TUSC3: variants seen among roughly 807,000 people sequenced by gnomAD.
TUSC3 encodes tumor suppressor candidate 3.
In TUSC3, 45 loss-of-function variants were observed where a neutral mutation model predicts 44.8. The observed-to-expected ratio is 1.00, with a 90% CI of 0.79 to 1.29. The LOEUF (loss-of-function observed/expected upper bound fraction) is 1.29. Ranked by LOEUF, TUSC3 falls within the 50% of genes most tolerant of loss-of-function variation. The pLI, the probability that TUSC3 is intolerant of heterozygous loss-of-function variation, is 0.00. For synonymous variants in TUSC3, 212 were observed against 152.9 expected (o/e 1.39, Z -2.85); for missense variants, 519 against 437.9 (o/e 1.19, Z -1.65).
At chr8:15,705,749 A>G (rs779089262) in intron 6 of TUSC3, among the ~76,000 whole-genome samples, 6 of 152,026 alleles carry the variant, frequency 3.9e-5, no homozygotes, top group Admixed American at 6.6e-5. Context: ...CTTCAGCCCA[A>G]TGATGATGGC....
At chr8:15,642,691 T>C (rs1411665187) in intron 2 of TUSC3, among the ~76,000 whole-genome samples, 5 of 152,168 alleles carry the variant, frequency 3.3e-5, no homozygotes, top group Admixed American at 1.3e-4. Flanking sequence ...TTTTGCAATA[T>C]ATATATATGA....
intron 1 of TUSC3, among the ~76,000 whole-genome samples, chr8:15,607,954 C>T (rs1804604721): frequency 6.6e-6 from 1 of 152,056 alleles, no homozygotes; most frequent in South Asian, 2.1e-4. Flanking sequence ...ATATAATTTA[C>T]CTGAACTGGA....
chr8:15,557,009 T>G, intron 1 of TUSC3, among the ~76,000 whole-genome samples: 1 of 144,030 alleles, frequency 6.9e-6, no homozygotes, highest in South Asian at 2.3e-4. Context: ...TTTAGTTTAA[T>G]TAGATCCCAT....
At chr8:15,849,249 T>C in the TUSC3 span, among the ~76,000 whole-genome samples, 47 of 152,280 alleles carry the variant, frequency 3.1e-4, no homozygotes, top group African/African-American at 1.1e-3. Context: ...AGGTGTAACG[T>C]ATTCCACCTC....
intron 6 of TUSC3, among the ~76,000 whole-genome samples, chr8:15,721,679 A>T (rs1268386888): frequency 6.6e-6 from 1 of 152,104 alleles, no homozygotes; most frequent in African/African-American, 2.4e-5. Flanking sequence ...TATACATTTC[A>T]GTTTTTCTTT....
the TUSC3 span, among the ~76,000 whole-genome samples, chr8:15,783,581 G>T: frequency 8.5e-5 from 13 of 152,088 alleles, no homozygotes; most frequent in Non-Finnish European, 1.8e-4. Context: ...GTTATCTATG[G>T]TCAATTGATT....
chr8:15,751,346 G>A (rs1357438570), intron 9 of TUSC3, among the ~76,000 whole-genome samples: 1 of 152,140 alleles, frequency 6.6e-6, no homozygotes, highest in East Asian at 1.9e-4. Flanking sequence ...TTGCTTCAGA[G>A]GTAACTCAAA....
chr8:15,798,751 A>C, the TUSC3 span, among the ~76,000 whole-genome samples: 2 of 152,128 alleles, frequency 1.3e-5, no homozygotes, highest in African/African-American at 4.8e-5. Context: ...GGGCCAACTA[A>C]GGCTTGACTG....
intron 6 of TUSC3, among the ~76,000 whole-genome samples, chr8:15,678,366 C>A (rs1469394477): frequency 6.6e-6 from 1 of 151,806 alleles, no homozygotes; most frequent in East Asian, 1.9e-4. Flanking sequence ...TACTCATAGA[C>A]TGTATTTACT....
chr8:15,844,355 A>G, the TUSC3 span, among the ~76,000 whole-genome samples: 297 of 152,250 alleles, frequency 2.0e-3, 3 homozygotes, highest in African/African-American at 6.7e-3. Flanking sequence ...TCAAAGTATC[A>G]AAGGACAGAG....
intron 2 of TUSC3, among the ~76,000 whole-genome samples, chr8:15,484,787 T>A (rs1404645512): frequency 6.6e-6 from 1 of 152,212 alleles, no homozygotes; most frequent in South Asian, 2.1e-4. Flanking sequence ...GACAGTTCCA[T>A]CACTTTTAAA....
chr8:15,664,249 G>A (rs1427940382), intron 5 of TUSC3, among the ~76,000 whole-genome samples: 5 of 151,632 alleles, frequency 3.3e-5, no homozygotes, highest in Non-Finnish European at 7.4e-5. Context: ...TGCAAGTTCT[G>A]TATTGTTTAC....
In TUSC3 at chr8:15,640,230, C is replaced by A. The variant is rs948744178; in HGVS notation, c.309-10467C>A. ...TCTTGGGCACTGAATCTGTAATGAA[C>A]CTCCCTGGTAGAAACACTTTACACG... On this transcript the variant is annotated intron_variant, in intron 2 of 10. Transcript: ENST00000503731. Among the ~76,000 whole-genome samples the A allele has an allele frequency of 3.9e-5, 6 of 152,306 alleles. No individual in the cohort carries two copies. The South Asian group carries it at 1.0e-3, about 26-fold the overall frequency.
At chr8:15,722,671 A>C (rs538326686) in intron 6 of TUSC3, among the ~76,000 whole-genome samples, 1 of 152,044 alleles carries the variant, frequency 6.6e-6, no homozygotes, top group Non-Finnish European at 1.5e-5. Flanking sequence ...CTTGGGTGCA[A>C]CTTGCCACAG....
intron 3 of TUSC3, among the ~76,000 whole-genome samples, chr8:15,657,044 T>G (rs1178323255): frequency 2.0e-5 from 3 of 152,150 alleles, no homozygotes; most frequent in Non-Finnish European, 4.4e-5. Context: ...TGACGTCCCA[T>G]AGATACCCCA....
the TUSC3 span, among the ~76,000 whole-genome samples, chr8:15,779,921 A>T: frequency 1.3e-5 from 2 of 152,222 alleles, no homozygotes; most frequent in Non-Finnish European, 2.9e-5. Context: ...GTTCCTGCTA[A>T]GATCAGAAAC....
chr8:15,459,850 GTGTGTA>G (rs1316754712), intron 1 of TUSC3, among the ~76,000 whole-genome samples: 1 of 148,880 alleles, frequency 6.7e-6, no homozygotes, highest in Admixed American at 6.7e-5. Flanking sequence ...GTGTGTGTGT[GTGTGTA>G]TGTGTGTGTG....
intron 1 of TUSC3, among the ~76,000 whole-genome samples, chr8:15,455,582 A>G (rs540766179): frequency 1.3e-5 from 2 of 152,116 alleles, no homozygotes; most frequent in Admixed American, 1.3e-4. Context: ...ACTTTTTTTT[A>G]ACTATTTGCA....
intron 2 of TUSC3, among the ~76,000 whole-genome samples, chr8:15,486,002 C>T (rs1563263798): frequency 1.3e-5 from 2 of 152,176 alleles, no homozygotes; most frequent in East Asian, 3.9e-4. Flanking sequence ...CCATGTTGGG[C>T]AGGCTGGTCT....
Sources: gnomAD v4.1 joint callset for allele counts (sites outside exome capture counted in the v4.1 genomes callset) on GRCh38, gnomAD v4.1.1 for gene constraint, MANE v1.5 for transcripts, NCBI Gene and HGNC (gene_info 2026-07-23, HGNC 2026-07-21) for gene names.